The following STARD13 variants were observed in gnomAD, a reference collection of about 807,000 sequenced individuals.
STARD13 encodes stAR-related lipid transfer protein 13.
A neutral mutation model predicts 106.4 loss-of-function variants in STARD13; 62 were observed. The ratio of observed to expected loss-of-function variants is 0.58; its 90% CI spans 0.48 to 0.72. STARD13 has a LOEUF of 0.72. Among genes scored for constraint, STARD13 ranks in the 30% least tolerant of loss-of-function variants. The pLI, the probability that STARD13 is intolerant of heterozygous loss-of-function variation, is 0.00. For synonymous variants in STARD13, 565 were observed against 553.0 expected (o/e 1.02, Z -0.31); for missense variants, 1,387 against 1,424.0 (o/e 0.97, Z 0.42).
At chr13:33,438,715 C>T in the STARD13 span, among the ~76,000 whole-genome samples, 3 of 152,162 alleles carry the variant, frequency 2.0e-5, no homozygotes, top group Admixed American at 2.0e-4. Context: ...TGAAGAACAG[C>T]AGATGACTAT....
the STARD13 span, among the ~76,000 whole-genome samples, chr13:33,381,472 G>A: frequency 1.3e-5 from 2 of 152,168 alleles, no homozygotes; most frequent in African/African-American, 4.8e-5. Flanking sequence ...GGGCACGGTA[G>A]CTCATGCCTG....
the STARD13 span, among the ~76,000 whole-genome samples, chr13:33,524,526 T>G: frequency 6.6e-6 from 1 of 152,046 alleles, no homozygotes; most frequent in Non-Finnish European, 1.5e-5. Flanking sequence ...TATTCTTAAA[T>G]ATTAATAATT....
the STARD13 span, among the ~76,000 whole-genome samples, chr13:33,614,231 G>A: frequency 6.7e-6 from 1 of 149,628 alleles, no homozygotes; most frequent in Non-Finnish European, 1.5e-5. Context: ...AGGACCCGAA[G>A]GCTGCCTAAA....
At chr13:33,587,203 G>A in the STARD13 span, among the ~76,000 whole-genome samples, 12 of 145,326 alleles carry the variant, frequency 8.3e-5, no homozygotes, top group African/African-American at 2.9e-4. Context: ...GCGACAGAGC[G>A]AGACTCTGTC....
intron 1 of STARD13, among the ~76,000 whole-genome samples, chr13:33,313,496 C>T (rs1401822983): frequency 1.3e-5 from 2 of 152,126 alleles, no homozygotes; most frequent in African/African-American, 4.8e-5. Context: ...CCCTTTTCTC[C>T]ATTCTCTGGT....
chr13:33,286,669 T>C (rs963481517), upstream of STARD13, among the ~76,000 whole-genome samples: 1 of 152,138 alleles, frequency 6.6e-6, no homozygotes, highest in African/African-American at 2.4e-5. Flanking sequence ...GGGTGATGAT[T>C]GCAAGCCAGA....
chr13:33,407,447 C>T, the STARD13 span, among the ~76,000 whole-genome samples: 1 of 152,154 alleles, frequency 6.6e-6, no homozygotes, highest in Non-Finnish European at 1.5e-5. Flanking sequence ...CAGTATTGCT[C>T]CTGCTTTTTG....
At chr13:33,303,273 C>T (rs971034838) in intron 1 of STARD13, among the ~76,000 whole-genome samples, 2 of 152,168 alleles carry the variant, frequency 1.3e-5, no homozygotes, top group Non-Finnish European at 2.9e-5. Flanking sequence ...TTGAAACCCA[C>T]AATATCCCAC....
At chr13:33,185,425 G>A (rs919433389) in intron 1 of STARD13, among the ~76,000 whole-genome samples, 2 of 152,152 alleles carry the variant, frequency 1.3e-5, no homozygotes, top group Non-Finnish European at 2.9e-5. Flanking sequence ...TAACTTCAGA[G>A]ACAAAACCCA....
chr13:33,119,616 G>C (rs1261278524), intron 7 of STARD13, among the ~76,000 whole-genome samples: 1 of 152,212 alleles, frequency 6.6e-6, no homozygotes, highest in Non-Finnish European at 1.5e-5. Context: ...GTATATGTCA[G>C]CCGAATGGAT....
intron 12 of STARD13, among the ~76,000 whole-genome samples, 154 bp from the exon 13 acceptor site, chr13:33,107,088 C>T (rs950844756): frequency 2.6e-5 from 4 of 152,182 alleles, no homozygotes; most frequent in Non-Finnish European, 5.9e-5. Context: ...CTTTCATAAG[C>T]TTGTGTAAAG....
the STARD13 span, among the ~76,000 whole-genome samples, chr13:33,545,445 A>T: frequency 6.6e-6 from 1 of 152,216 alleles, no homozygotes; most frequent in Non-Finnish European, 1.5e-5. Flanking sequence ...TAATAAATTC[A>T]CTAATGAAGC....
chr13:33,303,439 A>G (rs891372757), intron 1 of STARD13, among the ~76,000 whole-genome samples: 4 of 152,208 alleles, frequency 2.6e-5, no homozygotes, highest in Non-Finnish European at 5.9e-5. Context: ...CACTTTATCT[A>G]TCTTAGCTTC....
chr13:33,171,554 A>G (rs1395159875), intron 1 of STARD13, among the ~76,000 whole-genome samples: 1 of 152,170 alleles, frequency 6.6e-6, no homozygotes. Flanking sequence ...TACATGGTTT[A>G]TGTAGGGCTG....
At chr13:33,443,822 T>G in the STARD13 span, among the ~76,000 whole-genome samples, 1 of 143,184 alleles carries the variant, frequency 7.0e-6, no homozygotes, top group Non-Finnish European at 1.5e-5. Context: ...AGATGGAGGC[T>G]GCAGTGAGCT....
the STARD13 span, among the ~76,000 whole-genome samples, chr13:33,489,407 A>G: frequency 1.3e-5 from 2 of 152,224 alleles, no homozygotes; most frequent in Non-Finnish European, 1.5e-5. Flanking sequence ...TTAGTGGTCC[A>G]GTATTCAGAT....
the STARD13 span, among the ~76,000 whole-genome samples, chr13:33,535,404 C>T: frequency 2.6e-5 from 4 of 152,046 alleles, no homozygotes. Flanking sequence ...TGAACTATAA[C>T]AATTTCAAAT....
chr13:33,343,439 A>G lies in STARD13; in HGVS notation c.124+6851T>C, dbSNP rs554823378. Among the ~76,000 whole-genome samples the G allele has an allele frequency of 1.9e-4, 29 of 151,198 alleles. No homozygotes were observed. In the East Asian group the frequency reaches 2.0e-3, roughly 10 times the overall value. On this transcript the variant is annotated intron_variant, in intron 1 of 5. Coordinates refer to the STARD13 transcript ENST00000567873. ...TACAAAAATGCAAAAATTAGCCAGG[A>G]GTGGTGACGCAAGCCTGTAGTCCCA...
chr13:33,512,713 C>T, the STARD13 span, among the ~76,000 whole-genome samples: 1 of 152,278 alleles, frequency 6.6e-6, no homozygotes, highest in Admixed American at 6.5e-5. Flanking sequence ...AGGTGATCCA[C>T]CTGCCTCGGA....
Sources: gnomAD v4.1 joint callset for allele counts (sites outside exome capture counted in the v4.1 genomes callset) on GRCh38, gnomAD v4.1.1 for gene constraint, MANE v1.5 for transcripts, NCBI Gene and HGNC (gene_info 2026-07-23, HGNC 2026-07-21) for gene names.